Variants in WNT7B observed in about 807,000 individuals in gnomAD.
WNT7B encodes Wnt family member 7B.
A neutral mutation model predicts 38.2 loss-of-function variants in WNT7B; 19 were observed. That is an observed-to-expected ratio of 0.50 (90% CI 0.35 to 0.73). The LOEUF is 0.73. Ranked by LOEUF, WNT7B falls within the 30% of genes least tolerant of loss-of-function variation. WNT7B has a pLI of 0.01. For missense variants in WNT7B, 423 were observed against 507.9 expected, an observed-to-expected ratio of 0.83 and a Z score of 1.61; for synonymous variants, 243 against 209.3, an observed-to-expected ratio of 1.16 and a Z score of -1.39.
rs778822439 is a variant in WNT7B, at chr22:45,922,450, G to A, written c.*406C>T. 15 of 194,980 alleles carry A rather than the reference G, an allele frequency of 7.7e-5. No individual in the cohort carries two copies. Among genetic ancestry groups the A allele is most frequent in the Non-Finnish European group, 1.3e-4 (12 of 95,318 alleles). The allele number at this position is 194,980 out of a possible 1,614,324, so 12.1% of individuals were successfully genotyped here. A position where few individuals can be genotyped will look rare whatever the true frequency, so the allele number is the denominator to read the frequency against. On this transcript the variant is annotated 3_prime_UTR_variant, in exon 4 of 4. Coordinates refer to ENST00000339464, the MANE Select transcript of WNT7B (RefSeq NM_058238.3). Reference sequence around the variant, plus strand: ...AACTGGTCTGGAGAGGCCAGCCGGCGTAGCTTTTCTGTGTCCATGCCGCCA... The same window carrying A: ...AACTGGTCTGGAGAGGCCAGCCGGCATAGCTTTTCTGTGTCCATGCCGCCA...
Position 45,927,667 on chromosome 22 carries a change from G to T in WNT7B, c.570+3431C>A, listed in dbSNP as rs772171961. On this transcript the variant is annotated intron_variant, in intron 3 of 3. Coordinates refer to ENST00000339464, the MANE Select transcript of WNT7B (RefSeq NM_058238.3). ...TCCAAGCACTTTGGGAGGCCGAGGC[G>T]GGCAGATCACCTGAGGTTAGGGGTT... The T allele has an allele frequency of 1.8e-5, 13 of 723,008 alleles. No individual in the cohort carries two copies. In the Middle Eastern group the frequency reaches 8.3e-4, roughly 46 times the overall value. The allele number at this position is 723,008 out of a possible 1,614,324, so 44.8% of individuals were successfully genotyped here.
chr22:45,922,831 C>A lies in WNT7B; in HGVS notation c.*25G>T. 6.4e-7 allele frequency: 1 copy of A among 1,572,816 alleles called. No homozygotes were observed. Among genetic ancestry groups the A allele is most frequent in the Admixed American group, 1.7e-5 (1 of 57,722 alleles). ...CAAAATGCCGCCGGGTTCCAGGGTG[C>A]CCGCGGCCGCCTCCGGGCCTGGCCT... On this transcript the variant is annotated 3_prime_UTR_variant, in exon 4 of 4. Transcript: ENST00000339464.
chr22:45,932,390 C>G (rs1931392216), intron 2 of WNT7B, among the ~76,000 whole-genome samples: 1 of 151,490 alleles, frequency 6.6e-6, no homozygotes, highest in African/African-American at 2.4e-5. Context: ...GGGTCTGAGG[C>G]CTCCCTGTCC....
chr22:45,935,371 C>T (rs773686403), intron 2 of WNT7B, among the ~76,000 whole-genome samples: 1 of 152,216 alleles, frequency 6.6e-6, no homozygotes, highest in African/African-American at 2.4e-5. Flanking sequence ...TGCAGCCCAG[C>T]GTGGCCTGCC....
At chr22:45,933,133 G>C (rs1262020630) in intron 2 of WNT7B, among the ~76,000 whole-genome samples, 1 of 152,300 alleles carries the variant, frequency 6.6e-6, no homozygotes, top group Admixed American at 6.5e-5. Context: ...GGGCCCACCA[G>C]CCTTAGGAGA....
At chr22:45,925,763 G>A (rs1931063722) in intron 3 of WNT7B, 2 of 985,388 alleles carry the variant, frequency 2.0e-6, no homozygotes, top group Non-Finnish European at 2.4e-6. Context: ...CCTGATGGTG[G>A]CCCCTCTCGG....
rs868148916 is a variant in WNT7B, at chr22:45,941,126, A to G, written c.298+8794T>C. Among the ~76,000 whole-genome samples the G allele has an allele frequency of 7.2e-5, 11 of 152,286 alleles. No homozygotes were observed. In the South Asian group the frequency reaches 2.3e-3, roughly 32 times the overall value. ...AAGAAATGCTGATGACCCGCCAGGT[A>G]GAGGAGGTGAAAAGCTGCCAGGTCT... On this transcript the variant is annotated intron_variant, in intron 2 of 3. Transcript: ENST00000339464.
chr22:45,954,652 T>C (rs909324865), intron 1 of WNT7B: 17 of 985,438 alleles, frequency 1.7e-5, no homozygotes, highest in Non-Finnish European at 2.0e-5. Flanking sequence ...CATCAGGGAA[T>C]AGAATACAGG....
chr22:45,949,154 T>A (rs1931868287), intron 2 of WNT7B, among the ~76,000 whole-genome samples: 1 of 152,114 alleles, frequency 6.6e-6, no homozygotes, highest in Non-Finnish European at 1.5e-5. Context: ...TTAAAGCCCC[T>A]CTCTGGGCTC....
chr22:45,940,674 C>T (rs374649987), intron 2 of WNT7B, among the ~76,000 whole-genome samples: 1 of 152,180 alleles, frequency 6.6e-6, no homozygotes, highest in Non-Finnish European at 1.5e-5. Flanking sequence ...AGGCTGGGAG[C>T]GGCTCACAGA....
Position 45,923,075 on chromosome 22 carries a change from G to A in WNT7B, c.831C>T (p.Tyr277=). 1.2e-6 allele frequency: 2 copies of A among 1,613,428 alleles called. No homozygotes were observed. The highest frequency in any genetic ancestry group is 1.7e-6 in the Non-Finnish European group (2 of 1,179,818). ...TGCCCGTGGCCGCGTCCTCCTCGCA[G>A]TAGTTGGGCGACTTCTCAATGTACA... The part of the protein sequence containing the change: ...DLVYIEKSPN[Y]CEEDAATGSV... The change falls in exon 4 of 4, where the codon TAC becomes TAT. Residue 277 remains tyrosine, a synonymous_variant. Coordinates refer to ENST00000339464, the MANE Select transcript of WNT7B (RefSeq NM_058238.3).
chr22:45,931,634 C>G (rs570799458), intron 2 of WNT7B, among the ~76,000 whole-genome samples: 7 of 135,816 alleles, frequency 5.2e-5, no homozygotes, highest in African/African-American at 1.7e-4. Flanking sequence ...CCAGTGCACC[C>G]TGCGACTGCC....
rs568801690 is a variant in WNT7B at position 45,965,036 on chromosome 22, T to C, written c.71+11648A>G. The stretch of plus-strand genomic sequence containing the variant: ...CTGCTGAAGCCACTCCTCCCTGCCC[T>C]GGGCTCCCCAGACCCGAGATCACTG... On this transcript the variant is annotated intron_variant, in intron 1 of 3. Transcript: ENST00000339464. The surrounding 1 kb of genome is among the most constrained non-coding windows in gnomAD (Gnocchi z 6.5). Among the ~76,000 whole-genome samples, 2 of 152,226 alleles carry C rather than the reference T, an allele frequency of 1.3e-5. No individual in the cohort carries two copies. The highest frequency in any genetic ancestry group is 2.9e-5 in the Non-Finnish European group (2 of 68,006).
chr22:45,954,646 A>G (rs4072105), intron 1 of WNT7B: 404,283 of 985,062 alleles, frequency 0.41, 83,749 homozygotes, highest in South Asian at 0.58. Context: ...TAAAGGCATC[A>G]GGGAATAGAA....
chr22:45,940,409 C>T (rs1931616285), intron 2 of WNT7B, among the ~76,000 whole-genome samples: 2 of 152,134 alleles, frequency 1.3e-5, no homozygotes, highest in South Asian at 2.1e-4. Flanking sequence ...TGCCTTGTGC[C>T]TCACTGACCT....
At chr22:45,932,907 C>A (rs953109626) in intron 2 of WNT7B, among the ~76,000 whole-genome samples, 14 of 152,224 alleles carry the variant, frequency 9.2e-5, no homozygotes, top group Middle Eastern at 3.2e-3. Flanking sequence ...CACTGCTGTG[C>A]CTGTTATTGG....
intron 2 of WNT7B, 148 bp downstream of exon 2, chr22:45,949,772 C>T: frequency 2.7e-6 from 2 of 747,506 alleles, no homozygotes; most frequent in Non-Finnish European, 4.3e-6. Flanking sequence ...CCAGGCCAGG[C>T]ACGCAGAAGG....
At chr22:45,956,187 G>A (rs1225621304) in intron 1 of WNT7B, among the ~76,000 whole-genome samples, 1 of 152,206 alleles carries the variant, frequency 6.6e-6, no homozygotes, top group Non-Finnish European at 1.5e-5. Context: ...TCCTAGCTGT[G>A]AGACTCAGGC....
At chr22:45,930,130 A>C (rs1406739115) in intron 3 of WNT7B, among the ~76,000 whole-genome samples, 1 of 152,204 alleles carries the variant, frequency 6.6e-6, no homozygotes, top group Admixed American at 6.5e-5. Flanking sequence ...ACTCTCCTAC[A>C]CAACCAAGCC....
Sources: gnomAD v4.1 joint callset for allele counts (sites outside exome capture counted in the v4.1 genomes callset) on GRCh38, gnomAD v4.1.1 for gene constraint, Gnocchi (gnomAD v3.1) non-coding constraint, MANE v1.5 for transcripts, NCBI Gene and HGNC (gene_info 2026-07-23, HGNC 2026-07-21) for gene names.